Variants in IGSF21 observed in about 807,000 individuals in gnomAD.
The protein encoded by IGSF21 is immunoglobin superfamily member 21, also known as immunoglobulin superfamily member 21.
In IGSF21, 28 loss-of-function variants were observed where a neutral mutation model predicts 46.8. The ratio of observed to expected loss-of-function variants is 0.60; its 90% confidence interval spans 0.44 to 0.82. The LOEUF is 0.82. Ranked by LOEUF, IGSF21 falls within the 40% of genes least tolerant of loss-of-function variation. The pLI is 0.00. For synonymous variants in IGSF21, 284 were observed against 273.6 expected (o/e 1.04, Z -0.38); for missense variants, 624 against 665.5 (o/e 0.94, Z 0.69).
intron 2 of IGSF21, among the ~76,000 whole-genome samples, chr1:18,260,343 G>C (rs1295095044): frequency 6.6e-6 from 1 of 152,240 alleles, no homozygotes; most frequent in Admixed American, 6.5e-5. Flanking sequence ...GCTGCAGGGT[G>C]GGGGAGCCCC....
intron 1 of IGSF21, among the ~76,000 whole-genome samples, chr1:18,126,178 T>A (rs549414369): frequency 9.6e-4 from 145 of 150,552 alleles, no homozygotes; most frequent in African/African-American, 3.1e-3. Flanking sequence ...AAGATGATGG[T>A]TGAGGGGGTT....
At chr1:18,356,787 A>G (rs2086022963) in intron 4 of IGSF21, among the ~76,000 whole-genome samples, 1 of 151,428 alleles carries the variant, frequency 6.6e-6, no homozygotes, top group South Asian at 2.1e-4. Context: ...GGAGATGAGG[A>G]TAGAGATGTG....
At chr1:18,214,288 G>A (rs1334995012) in intron 1 of IGSF21, among the ~76,000 whole-genome samples, 1 of 152,150 alleles carries the variant, frequency 6.6e-6, no homozygotes, top group African/African-American at 2.4e-5. Context: ...GAAAGCACCG[G>A]GGACTGCTCC....
intron 1 of IGSF21, among the ~76,000 whole-genome samples, chr1:18,152,888 CCT>C (rs2086533366): frequency 1.3e-5 from 2 of 152,162 alleles, no homozygotes; most frequent in South Asian, 2.1e-4. Flanking sequence ...CCTCTCTGAA[CCT>C]CTGTTTCCTT....
chr1:18,156,554 T>C (rs1197683960), intron 1 of IGSF21, among the ~76,000 whole-genome samples: 1 of 152,212 alleles, frequency 6.6e-6, no homozygotes. Flanking sequence ...AAGTTCACTC[T>C]TGCTGAGCCC....
At chr1:18,320,433 G>A (rs2085589721) in intron 3 of IGSF21, among the ~76,000 whole-genome samples, 1 of 152,196 alleles carries the variant, frequency 6.6e-6, no homozygotes, top group African/African-American at 2.4e-5. Flanking sequence ...GCCTTAAGAG[G>A]AAGCTCGGAG....
chr1:18,174,243 T>C (rs971061759), intron 1 of IGSF21, among the ~76,000 whole-genome samples: 7 of 151,984 alleles, frequency 4.6e-5, no homozygotes, highest in African/African-American at 1.5e-4. Flanking sequence ...TTCCCTCATA[T>C]CTCCAGAGAG....
chr1:18,198,530 G>A (rs908203), intron 1 of IGSF21, among the ~76,000 whole-genome samples: 145,450 of 152,352 alleles, frequency 0.95, 69,722 homozygotes, highest in East Asian at 1. Context: ...GAAAAACCAC[G>A]TAGCCAGACC....
In IGSF21 at chr1:18,273,468, C is replaced by CTT. The variant is rs370164652; in HGVS notation, c.184-18396_184-18395dup. Among the ~76,000 whole-genome samples, 9 of 22,698 alleles carry CTT rather than the reference C, an allele frequency of 4.0e-4. No homozygotes were observed. The South Asian group carries it at 0.022, about 56-fold the overall frequency. The allele number at this position is 22,698 out of a possible 152,430, so 14.9% of individuals were successfully genotyped here. A position where few individuals can be genotyped will look rare whatever the true frequency, so the allele number is the denominator to read the frequency against. On this transcript the variant is annotated intron_variant, in intron 2 of 9. Coordinates refer to ENST00000251296, the MANE Select transcript of IGSF21 (RefSeq NM_032880.5). ...TCACTTTCTTTCTTTCTCTCTCTTT[C>CTT]TTTCTTTCTTTCTTTCTTTCTTTCT...
intron 4 of IGSF21, among the ~76,000 whole-genome samples, chr1:18,351,287 G>A (rs890825385): frequency 4.6e-5 from 7 of 150,768 alleles, no homozygotes; most frequent in Non-Finnish European, 8.9e-5. Flanking sequence ...ACAGCCACCC[G>A]TGCCATCTTC....
chr1:18,223,971 G>A (rs1299206325), intron 1 of IGSF21, among the ~76,000 whole-genome samples: 1 of 152,172 alleles, frequency 6.6e-6, no homozygotes, highest in Non-Finnish European at 1.5e-5. Context: ...TCCCTGGAAT[G>A]GAAGACACAG....
At chr1:18,118,055 A>T (rs921860220) in intron 1 of IGSF21, among the ~76,000 whole-genome samples, 3 of 152,172 alleles carry the variant, frequency 2.0e-5, no homozygotes, top group African/African-American at 7.2e-5. Flanking sequence ...GCAGCACTTC[A>T]GTAGGGAGCA....
rs1232846938 is a variant in IGSF21 at position 18,365,192 on chromosome 1, T to A, written c.541-31T>A. 1 of 1,541,750 alleles carries A rather than the reference T, an allele frequency of 6.5e-7. No individual in the cohort carries two copies. Among genetic ancestry groups the A allele is most frequent in the Admixed American group, 1.8e-5 (1 of 54,800 alleles). On this transcript the variant is annotated intron_variant, in intron 5 of 9. Transcript: ENST00000251296. This position sits in a 1 kb window ranked among gnomAD's most constrained non-coding sequence, Gnocchi z 4.8. Reference sequence around the variant, plus strand: ...GGAGGTTGAAGTTAGTAGCACAAAATCATTTTCCCACACCCTCCTTACAAT... The same window carrying A: ...GGAGGTTGAAGTTAGTAGCACAAAAACATTTTCCCACACCCTCCTTACAAT...
intron 6 of IGSF21, among the ~76,000 whole-genome samples, chr1:18,371,593 T>C (rs980084699): frequency 2.0e-5 from 3 of 150,914 alleles, no homozygotes; most frequent in Non-Finnish European, 4.4e-5. Flanking sequence ...AAAATGTTGA[T>C]CAAAAGAAGC....
intron 1 of IGSF21, among the ~76,000 whole-genome samples, chr1:18,187,144 T>C (rs980469642): frequency 1.3e-5 from 2 of 152,090 alleles, no homozygotes; most frequent in African/African-American, 4.8e-5. Context: ...AAGATTTGGT[T>C]CTTGGGGAGG....
At chr1:18,120,145 T>A (rs1180466936) in intron 1 of IGSF21, among the ~76,000 whole-genome samples, 1 of 152,258 alleles carries the variant, frequency 6.6e-6, no homozygotes, top group African/African-American at 2.4e-5. Context: ...TTCAAGGGAC[T>A]ATTTGCATAG....
chr1:18,263,279 A>T (rs2124538744), intron 2 of IGSF21, among the ~76,000 whole-genome samples: 1 of 152,220 alleles, frequency 6.6e-6, no homozygotes, highest in African/African-American at 2.4e-5. Context: ...ACTGCCTGGG[A>T]GCCATTTGGC....
chr1:18,185,349 G>A (rs951988054), intron 1 of IGSF21, among the ~76,000 whole-genome samples: 2 of 152,196 alleles, frequency 1.3e-5, no homozygotes. Flanking sequence ...TACCTTCTAG[G>A]AAATATCCTT....
intron 3 of IGSF21, among the ~76,000 whole-genome samples, chr1:18,309,299 C>T (rs531845856): frequency 2.0e-5 from 3 of 152,270 alleles, no homozygotes; most frequent in African/African-American, 4.8e-5. Context: ...AACACACACT[C>T]GGGTCTAGGG....
Sources: gnomAD v4.1 joint callset for allele counts (sites outside exome capture counted in the v4.1 genomes callset) on GRCh38, gnomAD v4.1.1 for gene constraint, Gnocchi (gnomAD v3.1) non-coding constraint, MANE v1.5 for transcripts, NCBI Gene and HGNC (gene_info 2026-07-23, HGNC 2026-07-21) for gene names.